The following ACYP2 variants were observed in gnomAD, a reference collection of about 807,000 sequenced individuals.
ACYP2 encodes acylphosphatase 2.
Under a neutral mutation model 11.2 loss-of-function variants are expected in ACYP2, and 12 were observed. The observed-to-expected ratio is 1.08, with a 90% CI of 0.69 to 1.74. The LOEUF (loss-of-function observed/expected upper bound fraction) is 1.74, where lower values mean the gene tolerates loss of function less well. Ranked by LOEUF, ACYP2 falls within the 40% of genes most tolerant of loss-of-function variation. The pLI is 0.00. For missense variants in ACYP2, 134 were observed against 101.9 expected, an observed-to-expected ratio of 1.31 and a Z score of -1.35; for synonymous variants, 43 against 32.2, an observed-to-expected ratio of 1.33 and a Z score of -1.13.
chr2:54,186,043 A>G (rs1280596370), intron 6 of ACYP2, among the ~76,000 whole-genome samples: 1 of 152,134 alleles, frequency 6.6e-6, no homozygotes, highest in African/African-American at 2.4e-5. Flanking sequence ...CAAGAGAAGA[A>G]AAAACATTGA....
chr2:54,205,111 C>T (rs1685018478), intron 6 of ACYP2, among the ~76,000 whole-genome samples: 1 of 152,172 alleles, frequency 6.6e-6, no homozygotes, highest in Non-Finnish European at 1.5e-5. Flanking sequence ...TGGTTTCCCT[C>T]CTTTGAATTG....
At chr2:54,255,087 T>A in intron 6 of ACYP2, 1 of 1,614,118 alleles carries the variant, frequency 6.2e-7, no homozygotes, top group Non-Finnish European at 8.5e-7. Context: ...GGCTGTGGTC[T>A]GAAAACCAGG....
In ACYP2 at chr2:54,256,264, T is replaced by C. The variant is rs558075232; in HGVS notation, c.405-48424T>C. The stretch of plus-strand genomic sequence containing the variant: ...CCTCGCCCATTTGCGCCGCCCACTC[T>C]TCAGTCTCGCGACACCCACCCCTCA... On this transcript the variant is annotated intron_variant, in intron 6 of 6. Transcript: ENST00000607452. The C allele has an allele frequency of 2.0e-5, 25 of 1,259,696 alleles. 1 individual carries two copies. In the South Asian group the frequency reaches 2.6e-4, roughly 13 times the overall value. The allele number at this position is 1,259,696 out of a possible 1,614,324, so 78.0% of individuals were successfully genotyped here.
chr2:54,126,846 C>A (rs189395001), intron 4 of ACYP2, among the ~76,000 whole-genome samples: 1 of 150,960 alleles, frequency 6.6e-6, no homozygotes, highest in Non-Finnish European at 1.5e-5. Flanking sequence ...CCCAGCTACC[C>A]GGGAGGGTGA....
At chr2:54,238,915 T>A (rs1686614916) in intron 6 of ACYP2, among the ~76,000 whole-genome samples, 1 of 151,536 alleles carries the variant, frequency 6.6e-6, no homozygotes, top group Non-Finnish European at 1.5e-5. Flanking sequence ...GCCTAGCCTA[T>A]TTTTTTGTGG....
chr2:54,034,800 G>A (rs1188994182), intron 2 of ACYP2, among the ~76,000 whole-genome samples: 1 of 151,992 alleles, frequency 6.6e-6, no homozygotes, highest in Non-Finnish European at 1.5e-5. Flanking sequence ...CACGAGGTCA[G>A]GCATTCAAGA....
At chr2:54,115,753 C>T (rs768952824) in intron 4 of ACYP2, 2 of 1,610,406 alleles carry the variant, frequency 1.2e-6, no homozygotes, top group Non-Finnish European at 1.7e-6. Flanking sequence ...CGGAAGAGTG[C>T]AGGGTAGGAG....
intron 4 of ACYP2, among the ~76,000 whole-genome samples, chr2:54,081,288 G>T (rs1157755281): frequency 6.6e-6 from 1 of 152,176 alleles, no homozygotes; most frequent in African/African-American, 2.4e-5. Flanking sequence ...CGGTGTATTT[G>T]TAATAATAAC....
rs991773608 is a variant in ACYP2 at position 54,256,376 on chromosome 2, A to G, written c.405-48312A>G. 59 of 545,654 alleles carry G rather than the reference A, an allele frequency of 1.1e-4. No individual in the cohort carries two copies. The Middle Eastern group carries it at 2.0e-3, about 18-fold the overall frequency. 33.8% of individuals were successfully genotyped at this position (545,654 alleles called of 1,614,324 possible). ...TTTTAGCCATCGTGCTGGATGAGTAATGATATTACATGGTGGTTTTAATTT... is the reference window on the plus strand; with the variant it reads ...TTTTAGCCATCGTGCTGGATGAGTAGTGATATTACATGGTGGTTTTAATTT... On this transcript the variant is annotated intron_variant, in intron 6 of 6. Coordinates refer to ENST00000607452, the MANE Select transcript of ACYP2 (RefSeq NM_001320586.2).
intron 4 of ACYP2, among the ~76,000 whole-genome samples, chr2:54,131,645 G>A (rs1680905553): frequency 6.6e-6 from 1 of 152,186 alleles, no homozygotes; most frequent in East Asian, 1.9e-4. Flanking sequence ...GCAAATACAT[G>A]AGTTATTACC....
intron 6 of ACYP2, among the ~76,000 whole-genome samples, chr2:54,144,052 C>T (rs1308707615): frequency 6.6e-6 from 1 of 152,134 alleles, no homozygotes; most frequent in Non-Finnish European, 1.5e-5. Flanking sequence ...TCACTGCAGC[C>T]TTGACCTGCT....
Position 54,011,737 on chromosome 2 carries a change from A to AT in ACYP2, c.62+37938dup, listed in dbSNP as rs5831287. On this transcript the variant is annotated intron_variant, in intron 2 of 6. Coordinates refer to ENST00000607452, the MANE Select transcript of ACYP2 (RefSeq NM_001320586.2). ...TTTATATTCAAATCTTTTTTGGTGT[A>AT]TTTTTTTTTTTAATCTAATCTTTGT... is the stretch of plus-strand genomic sequence containing the variant. Among the ~76,000 whole-genome samples the AT allele has an allele frequency of 1.7e-4, 25 of 150,762 alleles. 1 individual carries two copies. The highest frequency in any genetic ancestry group is 3.9e-4 in the East Asian group (2 of 5,134).
intron 6 of ACYP2, chr2:54,267,340 A>C: frequency 6.5e-7 from 1 of 1,549,244 alleles, no homozygotes; most frequent in Non-Finnish European, 8.7e-7. Context: ...GAAACAAGAT[A>C]GGGCAACAGC....
At chr2:54,163,946 A>G (rs902840603) in intron 6 of ACYP2, among the ~76,000 whole-genome samples, 1 of 152,234 alleles carries the variant, frequency 6.6e-6, no homozygotes, top group African/African-American at 2.4e-5. Flanking sequence ...TTTTTTAAAA[A>G]GGATAAAGTC....
At chr2:53,993,683 T>G (rs1362933517) in intron 2 of ACYP2, among the ~76,000 whole-genome samples, 2 of 144,468 alleles carry the variant, frequency 1.4e-5, no homozygotes, top group Non-Finnish European at 1.5e-5. Context: ...AGCGACAGAG[T>G]GAGGGAAAAA....
chr2:53,984,924 A>C (rs1671954621), intron 2 of ACYP2, among the ~76,000 whole-genome samples: 3 of 152,180 alleles, frequency 2.0e-5, no homozygotes, highest in South Asian at 4.1e-4. Context: ...CAAGCTCTGT[A>C]CCTAACAATG....
intron 6 of ACYP2, among the ~76,000 whole-genome samples, chr2:54,200,299 A>G (rs1357354083): frequency 6.6e-6 from 1 of 152,128 alleles, no homozygotes; most frequent in East Asian, 1.9e-4. Flanking sequence ...GCATATATCT[A>G]TATATATGCA....
chr2:54,231,819 G>A (rs1353665709), intron 6 of ACYP2, among the ~76,000 whole-genome samples: 1 of 152,152 alleles, frequency 6.6e-6, no homozygotes, highest in Non-Finnish European at 1.5e-5. Flanking sequence ...CACAGCCTGA[G>A]GCTCCATTAG....
intron 6 of ACYP2, among the ~76,000 whole-genome samples, chr2:54,192,771 C>T (rs1684289624): frequency 6.6e-6 from 1 of 151,820 alleles, no homozygotes; most frequent in South Asian, 2.1e-4. Context: ...GCTAGGGAGG[C>T]CTGAGGAAAC....
Sources: allele counts gnomAD v4.1 joint callset (sites outside exome capture counted in the v4.1 genomes callset), GRCh38; gene constraint gnomAD v4.1.1; transcripts MANE v1.5; gene names NCBI Gene and HGNC (gene_info 2026-07-23, HGNC 2026-07-21).